PPP1R16B: variants seen among roughly 807,000 people sequenced by gnomAD.
PPP1R16B encodes the protein protein phosphatase 1 regulatory subunit 16B, also known as protein phosphatase 1 regulatory inhibitor subunit 16B.
Under a neutral mutation model 61.7 loss-of-function variants are expected in PPP1R16B, and 14 were observed. That is an observed-to-expected ratio of 0.23 (90% confidence interval 0.15 to 0.35). The LOEUF is 0.35. Among genes scored for constraint, PPP1R16B ranks in the 10% least tolerant of loss-of-function variants. PPP1R16B has a pLI of 1.00. For missense variants in PPP1R16B, 547 were observed against 752.5 expected (o/e 0.73, Z 3.19); for synonymous variants, 266 against 305.3 (o/e 0.87, Z 1.34).
chr20:38,855,296 TA>T (rs1294695887), intron 2 of PPP1R16B, among the ~76,000 whole-genome samples: 1 of 151,958 alleles, frequency 6.6e-6, no homozygotes, highest in African/African-American at 2.4e-5. Context: ...GGACCCTAAT[TA>T]ACTTCTTTAA....
At chr20:38,820,987 G>C (rs1368749404) in intron 1 of PPP1R16B, among the ~76,000 whole-genome samples, 1 of 148,618 alleles carries the variant, frequency 6.7e-6, no homozygotes, top group East Asian at 2.0e-4. Flanking sequence ...CTTGCAGTGA[G>C]CTGAGATCGC....
At position 38,921,684 on chromosome 20, in the gene PPP1R16B, ACT is replaced by A. The variant is rs2085599835; in HGVS notation, c.*3021_*3022del. 6.6e-6 allele frequency: 1 copy of A among 152,030 alleles called. No homozygotes were observed. The highest frequency in any genetic ancestry group is 2.4e-5 in the African/African-American group (1 of 41,376). The allele number at this position is 152,030 out of a possible 1,614,324, so 9.4% of individuals were successfully genotyped here. A position where few individuals can be genotyped will look rare whatever the true frequency, so the allele number is the denominator to read the frequency against. ...TGCCTTCAGCCAGCATCTTTGGGGG[ACT>A]CTATAATAGCAGCTTGAGATCAGTG... On this transcript the variant is annotated 3_prime_UTR_variant, in exon 11 of 11. Transcript: ENST00000299824.
intron 6 of PPP1R16B, among the ~76,000 whole-genome samples, chr20:38,905,663 T>C (rs1297350138): frequency 6.6e-6 from 1 of 152,138 alleles, no homozygotes; most frequent in Non-Finnish European, 1.5e-5. Flanking sequence ...AAAATCACCA[T>C]ATTGAACCTC....
chr20:38,820,046 T>C (rs1353169330), intron 1 of PPP1R16B, among the ~76,000 whole-genome samples: 2 of 152,192 alleles, frequency 1.3e-5, no homozygotes, highest in Non-Finnish European at 2.9e-5. Flanking sequence ...CATTTTTGTG[T>C]GTTTGGGTTA....
intron 1 of PPP1R16B, among the ~76,000 whole-genome samples, chr20:38,812,972 T>C (rs2035530205): frequency 6.6e-6 from 1 of 152,090 alleles, no homozygotes; most frequent in Non-Finnish European, 1.5e-5. Context: ...TCTACCAAGC[T>C]CCCAGGGGGT....
intron 2 of PPP1R16B, among the ~76,000 whole-genome samples, chr20:38,885,036 CAAAAAAAA>C (rs71330453): frequency 2.9e-5 from 2 of 67,828 alleles, no homozygotes; most frequent in African/African-American, 1.3e-4. Flanking sequence ...AACTCTGTCT[CAAAAAAAA>C]AAAAAAAAAA....
In PPP1R16B at chr20:38,903,559, ATCCATCCGTCCGTCCGTCCG is replaced by A. The variant is rs1210307311; in HGVS notation, c.696+775_696+794del. Among the ~76,000 whole-genome samples, 4 of 124,172 alleles carry A rather than the reference ATCCATCCGTCCGTCCGTCCG, an allele frequency of 3.2e-5. No homozygotes were observed. The Admixed American group carries it at 3.4e-4, about 10-fold the overall frequency. The allele number at this position is 124,172 out of a possible 152,430, so 81.5% of individuals were successfully genotyped here. The stretch of plus-strand genomic sequence containing the variant: ...CATCCATCCATCCATCCATCCATCC[ATCCATCCGTCCGTCCGTCCG>A]TCCATCCATCCATCCATCCATCCAT... On this transcript the variant is annotated intron_variant, in intron 6 of 10. Transcript: ENST00000299824.
At chr20:38,833,170 A>G (rs1601243153) in intron 1 of PPP1R16B, among the ~76,000 whole-genome samples, 3 of 152,342 alleles carry the variant, frequency 2.0e-5, no homozygotes, top group East Asian at 3.9e-4. Context: ...ATGAATCTCA[A>G]AGGAATGATG....
chr20:38,900,483 T>C (rs1325506961), intron 4 of PPP1R16B, 98 bp from the exon 5 acceptor site: 3 of 878,828 alleles, frequency 3.4e-6, no homozygotes, highest in Non-Finnish European at 5.3e-6. Context: ...AGTGCCGGGT[T>C]GTACAGTAGG....
At chr20:38,832,849 C>T (rs771293799) in intron 1 of PPP1R16B, among the ~76,000 whole-genome samples, 10 of 147,156 alleles carry the variant, frequency 6.8e-5, no homozygotes, top group East Asian at 2.0e-4. Flanking sequence ...ACCCAGGAGG[C>T]GGAGGTTGCA....
intron 1 of PPP1R16B, among the ~76,000 whole-genome samples, chr20:38,813,767 C>G (rs4642006): frequency 7.6e-6 from 1 of 132,074 alleles, no homozygotes; most frequent in East Asian, 2.1e-4. Context: ...TCATCATCAT[C>G]ATTATTATTA....
At chr20:38,906,283 GTT>G (rs907617949) in intron 7 of PPP1R16B, among the ~76,000 whole-genome samples, 189 bp downstream of exon 7, 14 of 101,244 alleles carry the variant, frequency 1.4e-4, no homozygotes, top group African/African-American at 2.6e-4. Flanking sequence ...AGCAAGTTGT[GTT>G]TTTTTTTTTT....
chr20:38,847,481 C>G (rs891247389), intron 2 of PPP1R16B, among the ~76,000 whole-genome samples: 2 of 152,062 alleles, frequency 1.3e-5, no homozygotes, highest in Admixed American at 1.3e-4. Flanking sequence ...CTCAGCCTCC[C>G]GAGTAGCTAA....
chr20:38,818,848 A>T (rs2084756100), intron 1 of PPP1R16B, among the ~76,000 whole-genome samples: 1 of 150,968 alleles, frequency 6.6e-6, no homozygotes, highest in Admixed American at 6.6e-5. Context: ...GTGCAATGAC[A>T]GTTCACTGCA....
chr20:38,839,219 G>A (rs549727942), intron 2 of PPP1R16B, among the ~76,000 whole-genome samples: 31 of 152,256 alleles, frequency 2.0e-4, no homozygotes, highest in African/African-American at 6.7e-4. Flanking sequence ...GTGAGCCACC[G>A]CGTTCAGTTT....
At chr20:38,894,931 C>T (rs1438525848) in intron 3 of PPP1R16B, among the ~76,000 whole-genome samples, 6 of 152,240 alleles carry the variant, frequency 3.9e-5, no homozygotes, top group African/African-American at 1.4e-4. Context: ...ACAAACATGG[C>T]TGTCTCCTCG....
chr20:38,918,276 G>A lies in PPP1R16B; in HGVS notation c.1314G>A (p.Ala438=), dbSNP rs143948877. ...CTCCGGTCAGTGCCTACCAGTATGC[G>A]CTGGCCAACGGGGATGTCTGGAAGG... ...LRAPVSAYQY[A]LANGDVWKVH... is the part of the protein sequence containing the mutation. The change falls in exon 11 of 11, where the codon GCG becomes GCA. Residue 438 remains alanine (A), a synonymous_variant. Transcript: ENST00000299824. This position sits in a 1 kb window ranked among gnomAD's most constrained non-coding sequence, Gnocchi z 5.3. 3.5e-4 allele frequency: 558 copies of A among 1,614,238 alleles called. 1 individual carries two copies. The African/African-American group carries it at 4.3e-3, about 12-fold the overall frequency.
rs574434074 is a variant in PPP1R16B, at chr20:38,868,594, G to C, written c.251-21001G>C. Among the ~76,000 whole-genome samples the C allele has an allele frequency of 3.3e-5, 5 of 152,244 alleles. No homozygotes were observed. In the East Asian group the frequency reaches 9.6e-4, roughly 29 times the overall value. On this transcript the variant is annotated intron_variant, in intron 2 of 10. Coordinates refer to ENST00000299824, the MANE Select transcript of PPP1R16B (RefSeq NM_015568.4). ...GACGGGGTTTCACTATGTTGGTCAG[G>C]CTGGTCTTGAACTCCTGGCCTCAAG...
chr20:38,846,210 C>G (rs925793718), intron 2 of PPP1R16B, among the ~76,000 whole-genome samples: 1 of 152,154 alleles, frequency 6.6e-6, no homozygotes, highest in Admixed American at 6.6e-5. Flanking sequence ...ATATGTGAGT[C>G]TGGAGCTCAG....
Sources: gnomAD v4.1 joint callset for allele counts (sites outside exome capture counted in the v4.1 genomes callset) on GRCh38, gnomAD v4.1.1 for gene constraint, Gnocchi (gnomAD v3.1) non-coding constraint, MANE v1.5 for transcripts, NCBI Gene and HGNC (gene_info 2026-07-23, HGNC 2026-07-21) for gene names.